RIMS1: variants seen among roughly 807,000 people sequenced by gnomAD.
The protein encoded by RIMS1 is regulating synaptic membrane exocytosis protein 1.
A neutral mutation model predicts 214.1 loss-of-function variants in RIMS1; 83 were observed. That is an observed-to-expected ratio of 0.39 (90% CI 0.32 to 0.47). The LOEUF is 0.47. Among genes scored for constraint, RIMS1 ranks in the 20% least tolerant of loss-of-function variants. The pLI is 0.99. For synonymous variants in RIMS1, 793 were observed against 786.8 expected (o/e 1.01, Z -0.13); for missense variants, 2,050 against 2,161.8 (o/e 0.95, Z 1.03).
intron 2 of RIMS1, among the ~76,000 whole-genome samples, chr6:72,012,819 A>G (rs1379272857): frequency 6.6e-6 from 1 of 151,944 alleles, no homozygotes; most frequent in Non-Finnish European, 1.5e-5. Context: ...AGAAAAGACC[A>G]CTCTGTTATA....
In RIMS1 at chr6:72,361,096, CTTTTTTTT is replaced by C. The variant is rs70994124; in HGVS notation, c.4366+27284_4366+27291del. On this transcript the variant is annotated intron_variant, in intron 29 of 33. Transcript: ENST00000521978. ...CTTCTGTAGGAACGGGTCTTTCTTT[CTTTTTTTT>C]TTTTTTTTTTTTTTTTTTTTTTGAG... 1.0e-3 allele frequency among the ~76,000 whole-genome samples: 56 copies of C among 54,428 alleles called. 1 individual carries two copies. The highest frequency in any genetic ancestry group is 3.7e-3 in the African/African-American group (48 of 12,982). 35.7% of individuals were successfully genotyped at this position (54,428 alleles called of 152,430 possible).
intron 4 of RIMS1, among the ~76,000 whole-genome samples, chr6:72,151,089 C>T (rs958231664): frequency 1.3e-5 from 2 of 152,108 alleles, no homozygotes; most frequent in African/African-American, 4.8e-5. Context: ...GTCACCCAGG[C>T]TGGAGTGCAG....
At chr6:72,096,259 T>C (rs561042628) in intron 2 of RIMS1, among the ~76,000 whole-genome samples, 3 of 152,284 alleles carry the variant, frequency 2.0e-5, no homozygotes, top group South Asian at 2.1e-4. Context: ...CAAGGTAAGA[T>C]TTAGAACTTT....
chr6:71,909,596 A>C (rs2150573097), intron 1 of RIMS1, among the ~76,000 whole-genome samples: 1 of 152,298 alleles, frequency 6.6e-6, no homozygotes, highest in African/African-American at 2.4e-5. Context: ...TAATTAAAAT[A>C]ATGTTTTGGC....
chr6:71,938,522 C>T (rs1012144091), intron 1 of RIMS1, among the ~76,000 whole-genome samples: 3 of 152,186 alleles, frequency 2.0e-5, no homozygotes, highest in Non-Finnish European at 4.4e-5. Context: ...ACATGGATTC[C>T]GTTCATGTTT....
intron 2 of RIMS1, among the ~76,000 whole-genome samples, chr6:72,008,787 A>T (rs1808954870): frequency 6.6e-6 from 1 of 152,230 alleles, no homozygotes; most frequent in South Asian, 2.1e-4. Context: ...TCCTAAATAT[A>T]TATGCATGCA....
At chr6:72,038,105 A>G (rs1820235149) in intron 2 of RIMS1, among the ~76,000 whole-genome samples, 1 of 84,624 alleles carries the variant, frequency 1.2e-5, no homozygotes, top group South Asian at 4.1e-4. Flanking sequence ...AAAAAAAAAA[A>G]AAAAAAAAAA....
Position 72,259,117 on chromosome 6 carries a change from T to A in RIMS1, c.3053+6T>A, listed in dbSNP as rs2154155856. 1 of 1,610,544 alleles carries A rather than the reference T, an allele frequency of 6.2e-7. No individual in the cohort carries two copies. Among genetic ancestry groups the A allele is most frequent in the Non-Finnish European group, 8.5e-7 (1 of 1,177,720 alleles). ...TATTTATCAGAACAAGACAGGTATT[T>A]GTCAAAATTATGATCTCAACGTTAT... On this transcript the variant is annotated splice_donor_region_variant and intron_variant, in intron 18 of 33. Transcript: ENST00000521978.
At chr6:72,259,712 C>T (rs1276351076) in intron 18 of RIMS1, among the ~76,000 whole-genome samples, 2 of 152,052 alleles carry the variant, frequency 1.3e-5, no homozygotes, top group Non-Finnish European at 2.9e-5. Flanking sequence ...TACTATAAGT[C>T]TACATTATGA....
At chr6:71,992,416 T>TCTCTC (rs1801935566) in intron 2 of RIMS1, among the ~76,000 whole-genome samples, 2 of 73,094 alleles carry the variant, frequency 2.7e-5, no homozygotes, top group Non-Finnish European at 5.1e-5. Flanking sequence ...CTTTCTTTCT[T>TCTCTC]TCTTTCTTTC....
chr6:72,204,845 G>C (rs987489921), intron 6 of RIMS1, among the ~76,000 whole-genome samples: 1 of 152,082 alleles, frequency 6.6e-6, no homozygotes, highest in Non-Finnish European at 1.5e-5. Context: ...TAATTTCATA[G>C]GGAGAAAAGA....
intron 6 of RIMS1, among the ~76,000 whole-genome samples, chr6:72,189,617 A>G (rs2049730288): frequency 6.6e-6 from 1 of 152,212 alleles, no homozygotes; most frequent in Non-Finnish European, 1.5e-5. Flanking sequence ...ACCCCAAGGA[A>G]TGGTGCCATA....
intron 1 of RIMS1, among the ~76,000 whole-genome samples, chr6:71,904,156 T>C (rs558164733): frequency 6.6e-6 from 1 of 152,290 alleles, no homozygotes; most frequent in Admixed American, 6.5e-5. Flanking sequence ...CACAGTGTGA[T>C]AGGGAAAGCT....
At chr6:72,023,697 A>T (rs971802339) in intron 2 of RIMS1, among the ~76,000 whole-genome samples, 11 of 152,078 alleles carry the variant, frequency 7.2e-5, no homozygotes, top group African/African-American at 2.7e-4. Flanking sequence ...ATTAGACAGA[A>T]TTGTTACATA....
chr6:72,117,295 A>C (rs1160788240), intron 4 of RIMS1, among the ~76,000 whole-genome samples: 1 of 152,008 alleles, frequency 6.6e-6, no homozygotes, highest in Non-Finnish European at 1.5e-5. Context: ...TCTTTAGTAC[A>C]ATAGCTCTCT....
chr6:71,956,323 C>T (rs542435825), intron 1 of RIMS1, among the ~76,000 whole-genome samples: 2 of 151,996 alleles, frequency 1.3e-5, no homozygotes, highest in African/African-American at 4.8e-5. Flanking sequence ...TTGCTTCTCT[C>T]GACAGGATTT....
chr6:72,225,303 T>C (rs1435042841), intron 6 of RIMS1, among the ~76,000 whole-genome samples: 2 of 152,178 alleles, frequency 1.3e-5, no homozygotes, highest in Middle Eastern at 3.2e-3. Flanking sequence ...TGTTTTGTTC[T>C]ACATATCCTT....
intron 2 of RIMS1, among the ~76,000 whole-genome samples, chr6:72,015,945 T>C (rs1812606121): frequency 6.6e-6 from 1 of 151,980 alleles, no homozygotes; most frequent in Non-Finnish European, 1.5e-5. Context: ...AAAAGTATAT[T>C]AGGTGCTTCT....
chr6:72,370,459 G>T (rs1448613380), intron 29 of RIMS1, among the ~76,000 whole-genome samples: 1 of 152,140 alleles, frequency 6.6e-6, no homozygotes, highest in Non-Finnish European at 1.5e-5. Context: ...TATAGTTCAA[G>T]TATCTCCTCC....
Sources: allele counts gnomAD v4.1 joint callset (sites outside exome capture counted in the v4.1 genomes callset), GRCh38; gene constraint gnomAD v4.1.1; transcripts MANE v1.5; gene names NCBI Gene and HGNC (gene_info 2026-07-23, HGNC 2026-07-21).